The following NRP2 variants were observed in gnomAD, a reference collection of about 807,000 sequenced individuals.
NRP2 encodes the protein neuropilin-2.
In NRP2, 52 loss-of-function variants were observed where a neutral mutation model predicts 110.4. The ratio of observed to expected loss-of-function variants is 0.47; its 90% CI spans 0.38 to 0.59. The LOEUF is 0.59. NRP2 is among the 20% of genes least tolerant of loss of function. The pLI, the probability that NRP2 is intolerant of heterozygous loss-of-function variation, is 0.00. For missense variants in NRP2, 1,049 were observed against 1,203.0 expected (o/e 0.87, Z 1.89); for synonymous variants, 508 against 468.9 (o/e 1.08, Z -1.08).
At chr2:205,697,864 T>C in intron 2 of NRP2, 143 bp downstream of exon 2, 1 of 827,950 alleles carries the variant, frequency 1.2e-6, no homozygotes, top group Non-Finnish European at 2.1e-6. Flanking sequence ...GAGGAAAACC[T>C]CAAGGGGCAT....
chr2:205,757,434 C>T (rs1022273824), intron 12 of NRP2, among the ~76,000 whole-genome samples: 3 of 151,800 alleles, frequency 2.0e-5, no homozygotes, highest in Admixed American at 2.0e-4. Flanking sequence ...ACGGTGGAGG[C>T]GCACACAAGA....
At chr2:205,708,911 CCCAA>C (rs1447989590) in intron 2 of NRP2, among the ~76,000 whole-genome samples, 5 of 152,274 alleles carry the variant, frequency 3.3e-5, no homozygotes, top group African/African-American at 1.2e-4. Flanking sequence ...GATGCAGATA[CCCAA>C]ACAAATACAG....
chr2:205,745,751 C>A lies in NRP2; in HGVS notation c.1647C>A (p.Phe549Leu). The change falls in exon 10 of 17, where the codon TTC (phenylalanine) becomes TTA (leucine). Residue 549 changes from phenylalanine to leucine, a missense_variant. Transcript: ENST00000357785. The part of the protein sequence containing the change: ...QDPRTQQPKL[F>L]EGNMHYDTPD... Reference sequence around the variant, plus strand: ...AGTGGCCTCTCTCCCTGCAGCTGTTCGAAGGGAACATGCACTATGACACCC... The same window carrying A: ...AGTGGCCTCTCTCCCTGCAGCTGTTAGAAGGGAACATGCACTATGACACCC... 2 of 1,614,084 alleles carry A rather than the reference C, an allele frequency of 1.2e-6. No homozygotes were observed. The highest frequency in any genetic ancestry group is 2.2e-5 in the South Asian group (2 of 91,030).
intron 1 of NRP2, among the ~76,000 whole-genome samples, chr2:205,690,868 C>T (rs2056300137): frequency 6.6e-6 from 1 of 152,108 alleles, no homozygotes; most frequent in Admixed American, 6.5e-5. Context: ...AGACATAGTT[C>T]GCACTAACTC....
At chr2:205,721,906 A>G (rs1161298295) in intron 3 of NRP2, among the ~76,000 whole-genome samples, 1 of 152,080 alleles carries the variant, frequency 6.6e-6, no homozygotes, top group Non-Finnish European at 1.5e-5. Flanking sequence ...CATGAATGAG[A>G]CCCAAGCTCC....
At chr2:205,788,370 C>T (rs182683487) in intron 15 of NRP2, among the ~76,000 whole-genome samples, 2 of 152,312 alleles carry the variant, frequency 1.3e-5, no homozygotes, top group African/African-American at 2.4e-5. Context: ...ACCTCTTTCT[C>T]TCACTGTGCT....
Position 205,749,811 on chromosome 2 carries a change from G to T in NRP2, c.1873G>T (p.Glu625Ter). The part of the protein sequence containing the change: ...TPYPTEEEAT[E>*]CGENCSFEDD... ...CTACCCCACCGAAGAGGAGGCCACAGAGTGTGGGGAGAACTGCAGCTTTGA... is the reference window on the plus strand; with the variant it reads ...CTACCCCACCGAAGAGGAGGCCACATAGTGTGGGGAGAACTGCAGCTTTGA... Residue 625 changes from glutamate to a stop codon, truncating the protein, a stop_gained, in exon 11 of 17, where the codon GAG becomes TAG. Coordinates refer to ENST00000357785, the MANE Select transcript of NRP2 (RefSeq NM_003872.3). LOFTEE classifies it high-confidence loss of function. 6.2e-7 allele frequency: 1 copy of T among 1,614,122 alleles called. No homozygotes were observed. The highest frequency in any genetic ancestry group is 8.5e-7 in the Non-Finnish European group (1 of 1,179,970).
At chr2:205,710,596 G>A (rs755097080) in intron 2 of NRP2, among the ~76,000 whole-genome samples, 2 of 152,240 alleles carry the variant, frequency 1.3e-5, no homozygotes, top group Non-Finnish European at 2.9e-5. Context: ...AAGGCTAGGT[G>A]ACTGTACTGA....
intron 1 of NRP2, among the ~76,000 whole-genome samples, chr2:205,691,007 G>A (rs531538370): frequency 2.0e-5 from 3 of 152,172 alleles, no homozygotes; most frequent in Admixed American, 6.5e-5. Flanking sequence ...AGCTGTGGCC[G>A]CAGAATAATT....
chr2:205,779,988 AT>A (rs372648024), intron 15 of NRP2, among the ~76,000 whole-genome samples: 6 of 152,360 alleles, frequency 3.9e-5, no homozygotes, highest in Admixed American at 6.5e-5. Flanking sequence ...AAATTGCTAA[AT>A]GAGATTCCAC....
At chr2:205,714,573 C>T (rs2056857499) in intron 2 of NRP2, among the ~76,000 whole-genome samples, 1 of 152,196 alleles carries the variant, frequency 6.6e-6, no homozygotes, top group South Asian at 2.1e-4. Flanking sequence ...AATGAGGAAG[C>T]ATGTTTTCAA....
chr2:205,744,169 G>A (rs1327296032), intron 9 of NRP2, among the ~76,000 whole-genome samples: 2 of 152,124 alleles, frequency 1.3e-5, no homozygotes, highest in Admixed American at 6.5e-5. Flanking sequence ...TGATAGAGCC[G>A]ATTCAGAAAC....
rs138817280 is a variant in NRP2 at position 205,743,474 on chromosome 2, G to A, written c.1563G>A (p.Val521=). The A allele has an allele frequency of 2.6e-4, 421 of 1,614,220 alleles. No homozygotes were observed. Among genetic ancestry groups the A allele is most frequent in the Non-Finnish European group, 3.1e-4 (362 of 1,180,050 alleles). ...CTGCTGTGGAAGCCAGAGCATTTGT[G>A]CGCAAGTTCAAAGTCTCCTACAGCC... ...SITAVEARAF[V]RKFKVSYSLN... The change falls in exon 9 of 17, where the codon GTG becomes GTA. Residue 521 remains valine (V), a synonymous_variant. Coordinates refer to ENST00000357785, the MANE Select transcript of NRP2 (RefSeq NM_003872.3).
In NRP2 at chr2:205,683,331, A is replaced by G. The variant is rs373490681; in HGVS notation, c.41A>G (p.Tyr14Cys). 8 of 1,614,030 alleles carry G rather than the reference A, an allele frequency of 5.0e-6. No individual in the cohort carries two copies. Among genetic ancestry groups the G allele is most frequent in the South Asian group, 1.1e-5 (1 of 91,044 alleles). Reference protein sequence around the residue: ...FPLTWVFLALYFSRHQVRGQP... With the variant: ...FPLTWVFLALCFSRHQVRGQP... ...CTCACCTGGGTTTTCTTAGCCCTCT[A>G]CTTTTCAAGACACCAAGTGAGAGGC... Residue 14 changes from tyrosine (Y) to cysteine (C), a missense_variant, in exon 1 of 17, where the codon TAC becomes TGC. Transcript: ENST00000357785.
chr2:205,689,864 A>G (rs2056267940), intron 1 of NRP2, among the ~76,000 whole-genome samples: 1 of 152,188 alleles, frequency 6.6e-6, no homozygotes, highest in Non-Finnish European at 1.5e-5. Context: ...CAGCAGCTGA[A>G]CTCAAAAAAG....
rs2057521421 is a variant in NRP2 at position 205,745,456 on chromosome 2, AG to A, written c.1642-289del. Among the ~76,000 whole-genome samples the A allele has an allele frequency of 2.0e-5, 3 of 152,178 alleles. No individual in the cohort carries two copies. In the East Asian group the frequency reaches 5.8e-4, roughly 29 times the overall value. ...CGCAGTTGGAGCCAAATTCTTCCCC[AG>A]ATACTCCATTTTAGTCACCAGGTAA... On this transcript the variant is annotated intron_variant, in intron 9 of 16. Coordinates refer to ENST00000357785, the MANE Select transcript of NRP2 (RefSeq NM_003872.3).
At chr2:205,753,064 C>A (rs777987988) in intron 12 of NRP2, 89 bp downstream of exon 12, 24 of 1,512,970 alleles carry the variant, frequency 1.6e-5, no homozygotes, top group Non-Finnish European at 2.0e-5. Flanking sequence ...AGCTTCATAA[C>A]TTCCCACCGC....
intron 15 of NRP2, among the ~76,000 whole-genome samples, chr2:205,771,462 G>A (rs1044773619): frequency 5.9e-5 from 9 of 152,208 alleles, no homozygotes; most frequent in Admixed American, 5.9e-4. Context: ...GGACTGTGCA[G>A]ACAGGCCAGT....
chr2:205,727,137 A>T (rs1205518334), intron 6 of NRP2, among the ~76,000 whole-genome samples: 2 of 152,250 alleles, frequency 1.3e-5, no homozygotes, highest in African/African-American at 4.8e-5. Flanking sequence ...AATGCTGAGC[A>T]CATTGTAGGT....
Sources: allele counts gnomAD v4.1 joint callset (sites outside exome capture counted in the v4.1 genomes callset), GRCh38; gene constraint gnomAD v4.1.1; transcripts MANE v1.5; gene names NCBI Gene and HGNC (gene_info 2026-07-23, HGNC 2026-07-21).